The following NRG1 variants were observed in gnomAD, a reference collection of about 807,000 sequenced individuals.
NRG1 encodes the protein neuregulin 1, also known as pro-neuregulin-1, membrane-bound isoform.
A neutral mutation model predicts 63.8 loss-of-function variants in NRG1; 18 were observed. The observed-to-expected ratio is 0.28, with a 90% CI of 0.19 to 0.42. NRG1 has a LOEUF of 0.42. Among genes scored for constraint, NRG1 ranks in the 10% least tolerant of loss-of-function variants. NRG1 has a pLI of 1.00. For synonymous variants in NRG1, 302 were observed against 301.3 expected (o/e 1.00, Z -0.02); for missense variants, 762 against 814.7 (o/e 0.94, Z 0.79).
intron 1 of NRG1, among the ~76,000 whole-genome samples, chr8:32,040,736 A>G (rs1490896900): frequency 3.3e-5 from 1 of 30,678 alleles, no homozygotes; most frequent in African/African-American, 8.9e-5. Flanking sequence ...ATATATATAT[A>G]TGAAATTTAG....
chr8:32,138,098 G>A (rs192521126), intron 1 of NRG1, among the ~76,000 whole-genome samples: 77 of 152,134 alleles, frequency 5.1e-4, no homozygotes, highest in African/African-American at 1.8e-3. Flanking sequence ...CCCCTTTAAA[G>A]CCCTCTTACT....
At chr8:32,491,390 T>A (rs2129494811) in intron 1 of NRG1, among the ~76,000 whole-genome samples, 1 of 152,340 alleles carries the variant, frequency 6.6e-6, no homozygotes, top group Admixed American at 6.5e-5. Flanking sequence ...TTTTAATAAA[T>A]TTCCCAGTCA....
intron 1 of NRG1, among the ~76,000 whole-genome samples, chr8:32,549,222 G>C (rs1833646665): frequency 6.6e-6 from 1 of 152,262 alleles, no homozygotes; most frequent in South Asian, 2.1e-4. Flanking sequence ...CACGGGGGCC[G>C]TGTGCCCTCT....
chr8:32,067,468 T>A (rs1002741872), intron 1 of NRG1, among the ~76,000 whole-genome samples: 1 of 152,204 alleles, frequency 6.6e-6, no homozygotes, highest in Non-Finnish European at 1.5e-5. Flanking sequence ...TGTCTTTGGT[T>A]CTGTTTATAT....
At chr8:32,749,445 G>T in intron 7 of NRG1, 1 of 1,032,056 alleles carries the variant, frequency 9.7e-7, no homozygotes. Context: ...GGTTCAATGT[G>T]CATGCACAGA....
intron 1 of NRG1, among the ~76,000 whole-genome samples, chr8:32,236,277 TG>T (rs913644492): frequency 6.6e-6 from 1 of 151,922 alleles, no homozygotes; most frequent in Non-Finnish European, 1.5e-5. Context: ...GAATCAAACC[TG>T]GGGGGGAAAA....
At chr8:31,958,127 G>A (rs1804788736) in intron 1 of NRG1, among the ~76,000 whole-genome samples, 1 of 152,040 alleles carries the variant, frequency 6.6e-6, no homozygotes, top group Admixed American at 6.6e-5. Context: ...GTGTTTGTGT[G>A]TGTGTTGTGT....
intron 1 of NRG1, among the ~76,000 whole-genome samples, chr8:32,309,500 T>C (rs1856582394): frequency 6.6e-6 from 1 of 152,216 alleles, no homozygotes; most frequent in South Asian, 2.1e-4. Flanking sequence ...ATCAAATGTG[T>C]ATACTTTTCT....
chr8:31,995,118 C>G (rs547450136), intron 1 of NRG1, among the ~76,000 whole-genome samples: 1 of 151,886 alleles, frequency 6.6e-6, no homozygotes, highest in South Asian at 2.1e-4. Flanking sequence ...ACTTTATATC[C>G]CCATAGAATT....
intron 1 of NRG1, among the ~76,000 whole-genome samples, chr8:31,770,830 A>G (rs1421854377): frequency 6.6e-6 from 1 of 150,530 alleles, no homozygotes; most frequent in Non-Finnish European, 1.5e-5. Flanking sequence ...ATTTTGAAAT[A>G]GTTTTACACA....
chr8:32,278,325 A>G (rs1563262467), intron 1 of NRG1, among the ~76,000 whole-genome samples: 3 of 150,954 alleles, frequency 2.0e-5, no homozygotes, highest in Admixed American at 1.3e-4. Flanking sequence ...ATTTGGGGGG[A>G]AAAAAAGTTG....
Position 32,227,794 on chromosome 8 carries a change from C to T in NRG1, c.38-368034C>T, listed in dbSNP as rs555205204. On this transcript the variant is annotated intron_variant, in intron 1 of 10. Transcript: ENST00000519301. ...CCTGCTTCTTAGGAATGTGCTCTAACCACCACAGCATTCCTGATCACCACC... is the reference window on the plus strand; with the variant it reads ...CCTGCTTCTTAGGAATGTGCTCTAATCACCACAGCATTCCTGATCACCACC... 1.3e-4 allele frequency among the ~76,000 whole-genome samples: 20 copies of T among 152,256 alleles called. No homozygotes were observed. In the South Asian group the frequency reaches 3.9e-3, roughly 30 times the overall value.
chr8:32,344,834 G>C (rs1804675545), intron 1 of NRG1, among the ~76,000 whole-genome samples: 1 of 152,014 alleles, frequency 6.6e-6, no homozygotes. Context: ...CATTTAGTTT[G>C]TTAGATATTT....
chr8:32,515,466 A>G (rs1034215291), intron 1 of NRG1, among the ~76,000 whole-genome samples: 2 of 149,190 alleles, frequency 1.3e-5, no homozygotes, highest in African/African-American at 4.9e-5. Flanking sequence ...TTTTGTTTTG[A>G]GACAGGGTCT....
chr8:31,685,648 CA>C (rs1252204988), intron 1 of NRG1, among the ~76,000 whole-genome samples: 1 of 152,162 alleles, frequency 6.6e-6, no homozygotes, highest in Non-Finnish European at 1.5e-5. Context: ...TGTTCATTAT[CA>C]GTTACTCCCC....
intron 1 of NRG1, among the ~76,000 whole-genome samples, chr8:32,147,163 A>C (rs935929509): frequency 9.2e-5 from 14 of 152,122 alleles, no homozygotes; most frequent in African/African-American, 3.1e-4. Flanking sequence ...ATATAAGCTT[A>C]AGTTGGGGTA....
At chr8:31,703,378 G>A (rs1015737732) in intron 1 of NRG1, among the ~76,000 whole-genome samples, 1 of 151,862 alleles carries the variant, frequency 6.6e-6, no homozygotes, top group Non-Finnish European at 1.5e-5. Context: ...ACATGTCTCT[G>A]CCAAAACTTG....
At chr8:32,265,637 G>A (rs1850851139) in intron 1 of NRG1, among the ~76,000 whole-genome samples, 1 of 152,122 alleles carries the variant, frequency 6.6e-6, no homozygotes, top group Admixed American at 6.6e-5. Flanking sequence ...GAGCTCAGGA[G>A]TTTTAGGTCA....
chr8:32,343,912 T>C (rs1681638216), intron 1 of NRG1, among the ~76,000 whole-genome samples: 1 of 152,226 alleles, frequency 6.6e-6, no homozygotes, highest in Non-Finnish European at 1.5e-5. Context: ...GTCCTAGTCC[T>C]ACCGAGTCCA....
Sources: gnomAD v4.1 joint callset for allele counts (sites outside exome capture counted in the v4.1 genomes callset) on GRCh38, gnomAD v4.1.1 for gene constraint, MANE v1.5 for transcripts, NCBI Gene and HGNC (gene_info 2026-07-23, HGNC 2026-07-21) for gene names.